Variants in SAMD12 observed in about 807,000 individuals in gnomAD.
SAMD12 encodes sterile alpha motif domain containing 12.
Under a neutral mutation model 15.0 loss-of-function variants are expected in SAMD12, and 9 were observed. The observed-to-expected ratio is 0.60, with a 90% confidence interval of 0.36 to 1.05. SAMD12 has a LOEUF of 1.05. SAMD12 is among the 50% of genes least tolerant of loss of function. The pLI, the probability that SAMD12 is intolerant of heterozygous loss-of-function variation, is 0.01. For missense variants in SAMD12, 230 were observed against 234.2 expected (o/e 0.98, Z 0.12); for synonymous variants, 86 against 90.1 (o/e 0.96, Z 0.25).
intron 3 of SAMD12, among the ~76,000 whole-genome samples, chr8:118,393,402 A>ATT (rs1039851285): frequency 1.9e-4 from 28 of 150,626 alleles, no homozygotes; most frequent in East Asian, 5.9e-4. Context: ...ATATATATAT[A>ATT]TTTTGATTTT....
chr8:118,601,756 CA>C (rs896694026), intron 1 of SAMD12, among the ~76,000 whole-genome samples: 1 of 152,158 alleles, frequency 6.6e-6, no homozygotes, highest in Non-Finnish European at 1.5e-5. Flanking sequence ...CTCTAAAAAC[CA>C]GGTCAACATC....
At chr8:118,400,801 T>G (rs1820831852) in intron 3 of SAMD12, among the ~76,000 whole-genome samples, 1 of 152,138 alleles carries the variant, frequency 6.6e-6, no homozygotes, top group Admixed American at 6.6e-5. Flanking sequence ...AGACAGCCTT[T>G]GTCAAAAGAA....
chr8:118,253,387 T>C (rs765081175), intron 4 of SAMD12, among the ~76,000 whole-genome samples: 1 of 152,196 alleles, frequency 6.6e-6, no homozygotes, highest in Non-Finnish European at 1.5e-5. Context: ...GTACCATGAT[T>C]AAATAAATTA....
intron 4 of SAMD12, among the ~76,000 whole-genome samples, chr8:118,240,785 G>C (rs1812545246): frequency 6.6e-6 from 1 of 152,150 alleles, no homozygotes; most frequent in Non-Finnish European, 1.5e-5. Flanking sequence ...GGCATGCTCA[G>C]TCAGAGAACA....
chr8:118,462,657 G>C (rs1038964037), intron 2 of SAMD12, among the ~76,000 whole-genome samples: 8 of 152,236 alleles, frequency 5.3e-5, no homozygotes, highest in African/African-American at 1.7e-4. Context: ...GCAAGCAAGC[G>C]AACCTGACAC....
At position 118,468,117 on chromosome 8, in the gene SAMD12, G is replaced by A. The variant is rs540274564; in HGVS notation, c.193-28156C>T. 5.3e-5 allele frequency among the ~76,000 whole-genome samples: 8 copies of A among 152,264 alleles called. No homozygotes were observed. In the South Asian group the frequency reaches 1.7e-3, roughly 32 times the overall value. On this transcript the variant is annotated intron_variant, in intron 2 of 3. Coordinates refer to ENST00000314727, the MANE Select transcript of SAMD12 (RefSeq NM_207506.3). ...GAACAAATGTGGAAATCAGTGAACT[G>A]TAACACACAGCAGAGTACCCTAGCA...
intron 4 of SAMD12, among the ~76,000 whole-genome samples, chr8:118,245,629 C>T (rs1355500270): frequency 1.3e-5 from 2 of 152,106 alleles, no homozygotes; most frequent in East Asian, 3.9e-4. Context: ...TCTCTTTCTA[C>T]TTGGTTATAC....
intron 2 of SAMD12, among the ~76,000 whole-genome samples, chr8:118,484,462 G>A (rs369665345): frequency 1.8e-4 from 27 of 152,184 alleles, no homozygotes; most frequent in African/African-American, 5.8e-4. Context: ...AAATTAGAGC[G>A]GGCTGGCTGT....
At chr8:118,445,083 C>G (rs1055064550) in intron 2 of SAMD12, among the ~76,000 whole-genome samples, 9 of 152,148 alleles carry the variant, frequency 5.9e-5, no homozygotes, top group African/African-American at 1.9e-4. Flanking sequence ...AATGTCCTTT[C>G]TTTAGTTCCC....
intron 2 of SAMD12, among the ~76,000 whole-genome samples, chr8:118,508,767 A>T (rs1356268795): frequency 6.6e-6 from 1 of 152,236 alleles, no homozygotes; most frequent in East Asian, 1.9e-4. Context: ...TGAGCAGTCA[A>T]AAGGGTAGGC....
intron 4 of SAMD12, among the ~76,000 whole-genome samples, chr8:118,255,134 G>A (rs899466074): frequency 6.6e-6 from 1 of 151,902 alleles, no homozygotes; most frequent in Admixed American, 6.6e-5. Flanking sequence ...GACCGTGGGG[G>A]CAGACTACAG....
the SAMD12 span, among the ~76,000 whole-genome samples, chr8:118,183,570 G>A: frequency 6.6e-6 from 1 of 151,876 alleles, no homozygotes; most frequent in African/African-American, 2.4e-5. Context: ...ATGTTTCCCA[G>A]TCAGAAATAA....
chr8:118,373,804 T>C (rs1344138581), downstream of SAMD12, among the ~76,000 whole-genome samples: 2 of 152,172 alleles, frequency 1.3e-5, no homozygotes, highest in Non-Finnish European at 2.9e-5. Flanking sequence ...GTTGCTGATA[T>C]ATTTTTACAC....
At chr8:118,614,396 C>T (rs149550276) in intron 1 of SAMD12, among the ~76,000 whole-genome samples, 11 of 152,282 alleles carry the variant, frequency 7.2e-5, no homozygotes, top group Non-Finnish European at 8.8e-5. Flanking sequence ...AGGTCCTGTG[C>T]GGAGCTGGGG....
At chr8:118,353,128 C>T (rs1563787655) in intron 4 of SAMD12, among the ~76,000 whole-genome samples, 1 of 150,958 alleles carries the variant, frequency 6.6e-6, no homozygotes, top group Non-Finnish European at 1.5e-5. Flanking sequence ...CTACTAAATA[C>T]AATATTTTGA....
chr8:118,611,345 C>T (rs1828106813), intron 1 of SAMD12, among the ~76,000 whole-genome samples: 1 of 151,936 alleles, frequency 6.6e-6, no homozygotes, highest in Admixed American at 6.6e-5. Flanking sequence ...GCTTAGAAAG[C>T]AGAAAAAAAT....
At chr8:118,486,512 G>C (rs1824290974) in intron 2 of SAMD12, among the ~76,000 whole-genome samples, 1 of 151,876 alleles carries the variant, frequency 6.6e-6, no homozygotes, top group Non-Finnish European at 1.5e-5. Flanking sequence ...ATAGAAGGAG[G>C]GGCCAGGAGC....
intron 2 of SAMD12, 96 bp downstream of exon 2, chr8:118,580,619 T>C: frequency 1.3e-6 from 1 of 793,530 alleles, no homozygotes; most frequent in South Asian, 1.7e-5. Flanking sequence ...ACAATGGTAA[T>C]TAGTGAAAGC....
At chr8:118,487,274 T>C (rs1824317171) in intron 2 of SAMD12, among the ~76,000 whole-genome samples, 1 of 152,186 alleles carries the variant, frequency 6.6e-6, no homozygotes, top group South Asian at 2.1e-4. Context: ...TGGCACATAA[T>C]ATAAGACTTG....
Sources: allele counts gnomAD v4.1 joint callset (sites outside exome capture counted in the v4.1 genomes callset), GRCh38; gene constraint gnomAD v4.1.1; transcripts MANE v1.5; gene names NCBI Gene and HGNC (gene_info 2026-07-23, HGNC 2026-07-21).